Variants in ENPP6 observed in about 807,000 individuals in gnomAD.
ENPP6 encodes the protein glycerophosphocholine cholinephosphodiesterase ENPP6.
ENPP6 carries 32 observed loss-of-function variants against 42.0 expected under a neutral mutation model. That is an observed-to-expected ratio of 0.76 (90% CI 0.58 to 1.02). The LOEUF (loss-of-function observed/expected upper bound fraction) is 1.02, where lower values mean the gene tolerates loss of function less well. Among genes scored for constraint, ENPP6 ranks in the 50% least tolerant of loss-of-function variants. The pLI, the probability that ENPP6 is intolerant of heterozygous loss-of-function variation, is 0.00. For synonymous variants in ENPP6, 213 were observed against 216.0 expected (o/e 0.99, Z 0.12); for missense variants, 552 against 566.8 (o/e 0.97, Z 0.27).
intron 1 of ENPP6, among the ~76,000 whole-genome samples, chr4:184,192,079 C>G (rs1732718987): frequency 6.6e-6 from 1 of 152,172 alleles, no homozygotes; most frequent in African/African-American, 2.4e-5. Flanking sequence ...AGATTCAACA[C>G]AATCCTTATC....
intron 1 of ENPP6, among the ~76,000 whole-genome samples, chr4:184,203,326 G>T (rs1215675240): frequency 6.6e-6 from 1 of 152,164 alleles, no homozygotes; most frequent in African/African-American, 2.4e-5. Context: ...TGACAGAATA[G>T]ATTAAGTTTG....
chr4:184,203,618 A>G (rs1732940678), intron 1 of ENPP6, among the ~76,000 whole-genome samples: 1 of 152,214 alleles, frequency 6.6e-6, no homozygotes, highest in South Asian at 2.1e-4. Flanking sequence ...TCTACCGGCC[A>G]AGGAATACCG....
intron 6 of ENPP6, among the ~76,000 whole-genome samples, chr4:184,106,323 C>T (rs1049311330): frequency 2.0e-5 from 3 of 152,152 alleles, no homozygotes; most frequent in African/African-American, 7.2e-5. Context: ...GCATGAGCCA[C>T]CATGTCCGGC....
chr4:184,138,254 A>G (rs1736762458), intron 2 of ENPP6, among the ~76,000 whole-genome samples: 1 of 152,240 alleles, frequency 6.6e-6, no homozygotes, highest in Non-Finnish European at 1.5e-5. Flanking sequence ...TCACATAAAT[A>G]AATATATAGA....
At chr4:184,098,087 A>G (rs1735942271) in intron 6 of ENPP6, among the ~76,000 whole-genome samples, 1 of 152,220 alleles carries the variant, frequency 6.6e-6, no homozygotes, top group East Asian at 1.9e-4. Context: ...GTGCCTCTCT[A>G]AGGGCCATCC....
intron 1 of ENPP6, among the ~76,000 whole-genome samples, chr4:184,167,975 T>C (rs1737381487): frequency 6.6e-6 from 1 of 152,202 alleles, no homozygotes; most frequent in Non-Finnish European, 1.5e-5. Context: ...ATCCTTCTGA[T>C]AGTTTCCCAG....
chr4:184,217,483 C>T, intron 1 of ENPP6, 96 bp downstream of exon 1: 1 of 1,512,986 alleles, frequency 6.6e-7, no homozygotes, highest in South Asian at 1.3e-5. Flanking sequence ...CTAGAGAATC[C>T]AGAGCATTTA....
In ENPP6 at chr4:184,217,775, G is replaced by C; in HGVS notation, c.45C>G (p.Gly15=). 6.2e-7 allele frequency: 1 copy of C among 1,613,944 alleles called. No individual in the cohort carries two copies. Among genetic ancestry groups the C allele is most frequent in the East Asian group, 2.2e-5 (1 of 44,886 alleles). ...LGTLLLALAL[G]LAQPASARRK... is the part of the protein sequence containing the mutation. ...GGCGGGCAGAGGCTGGCTGGGCCAG[G>C]CCCAGGGCAAGGGCCAGCAGGAGGG... The change falls in exon 1 of 8, where the codon GGC becomes GGG. Residue 15 remains glycine (G), a synonymous_variant. Transcript: ENST00000296741.
intron 2 of ENPP6, among the ~76,000 whole-genome samples, chr4:184,131,325 CTCTT>C (rs1387007178): frequency 1.7e-5 from 2 of 115,330 alleles, no homozygotes; most frequent in African/African-American, 5.6e-5. Flanking sequence ...TCTCCTCTCT[CTCTT>C]TCTTCTTTCT....
At chr4:184,209,842 T>G (rs1423077625) in intron 1 of ENPP6, among the ~76,000 whole-genome samples, 3 of 142,000 alleles carry the variant, frequency 2.1e-5, no homozygotes, top group Non-Finnish European at 4.5e-5. Flanking sequence ...GAGAGAAAGG[T>G]CGGGTTACCC....
intron 1 of ENPP6, among the ~76,000 whole-genome samples, chr4:184,201,460 C>T (rs975359686): frequency 3.3e-5 from 5 of 151,618 alleles, no homozygotes; most frequent in Non-Finnish European, 5.9e-5. Flanking sequence ...CGCAGTGGCT[C>T]CACGTGGACA....
chr4:184,207,962 C>A (rs1733028116), intron 1 of ENPP6, among the ~76,000 whole-genome samples: 1 of 151,862 alleles, frequency 6.6e-6, no homozygotes, highest in Non-Finnish European at 1.5e-5. Flanking sequence ...TGTCTCTTCG[C>A]CTTCCTATAC....
At chr4:184,164,926 A>G (rs182567142) in intron 1 of ENPP6, among the ~76,000 whole-genome samples, 2 of 152,314 alleles carry the variant, frequency 1.3e-5, no homozygotes, top group Admixed American at 6.5e-5. Flanking sequence ...CACTTGTGCA[A>G]CCAGAATGAA....
chr4:184,129,716 C>A (rs1736563661), intron 2 of ENPP6, among the ~76,000 whole-genome samples: 1 of 152,152 alleles, frequency 6.6e-6, no homozygotes, highest in African/African-American at 2.4e-5. Context: ...TAAATTATAG[C>A]ATATCCACAT....
chr4:184,175,933 A>G (rs1737555106), intron 1 of ENPP6, among the ~76,000 whole-genome samples: 1 of 151,664 alleles, frequency 6.6e-6, no homozygotes. Context: ...GGTGTTGTGT[A>G]AAAAATAGTA....
intron 1 of ENPP6, among the ~76,000 whole-genome samples, chr4:184,175,914 G>T (rs1737553991): frequency 6.6e-6 from 1 of 152,090 alleles, no homozygotes; most frequent in African/African-American, 2.4e-5. Context: ...GAGGTTGGAG[G>T]AGAGAAAAGG....
At chr4:184,171,634 C>A (rs1737462880) in intron 1 of ENPP6, among the ~76,000 whole-genome samples, 1 of 152,186 alleles carries the variant, frequency 6.6e-6, no homozygotes, top group African/African-American at 2.4e-5. Flanking sequence ...TTTGTCACAG[C>A]TTTGTCTAAG....
At chr4:184,202,784 C>T (rs748512753) in intron 1 of ENPP6, among the ~76,000 whole-genome samples, 3 of 152,148 alleles carry the variant, frequency 2.0e-5, no homozygotes, top group Non-Finnish European at 2.9e-5. Flanking sequence ...CTAAGACAGA[C>T]GTGGTGTGGA....
At chr4:184,211,177 A>G (rs1733103073) in intron 1 of ENPP6, among the ~76,000 whole-genome samples, 1 of 151,662 alleles carries the variant, frequency 6.6e-6, no homozygotes, top group Non-Finnish European at 1.5e-5. Flanking sequence ...AATTAAAAGA[A>G]CTAGAAAAGC....
Sources: gnomAD v4.1 joint callset for allele counts (sites outside exome capture counted in the v4.1 genomes callset) on GRCh38, gnomAD v4.1.1 for gene constraint, MANE v1.5 for transcripts, NCBI Gene and HGNC (gene_info 2026-07-23, HGNC 2026-07-21) for gene names.